Variants in SATB2 observed in about 807,000 individuals in gnomAD.
The protein encoded by SATB2 is DNA-binding protein SATB2.
A neutral mutation model predicts 73.4 loss-of-function variants in SATB2; 1 was observed. That is an observed-to-expected ratio of 0.01 (90% CI 0.00 to 0.06). The LOEUF is 0.06. Ranked by LOEUF, SATB2 falls within the 10% of genes least tolerant of loss-of-function variation. SATB2 has a pLI of 1.00. For missense variants in SATB2, 459 were observed against 945.8 expected (o/e 0.49, Z 6.75); for synonymous variants, 397 against 367.0 (o/e 1.08, Z -0.93).
chr2:199,320,358 A>T (rs773457546), intron 9 of SATB2, among the ~76,000 whole-genome samples: 2 of 152,186 alleles, frequency 1.3e-5, no homozygotes, highest in Non-Finnish European at 2.9e-5. Context: ...ATTATTTTAA[A>T]ACACTAAACT....
At chr2:199,329,213 C>T (rs772646710) in intron 7 of SATB2, 4 of 409,188 alleles carry the variant, frequency 9.8e-6, no homozygotes, top group African/African-American at 2.0e-5. Context: ...CAATTACCAC[C>T]AGGTGCCTCC....
chr2:199,459,008 T>C (rs1692394515), upstream of SATB2, among the ~76,000 whole-genome samples: 1 of 151,906 alleles, frequency 6.6e-6, no homozygotes, highest in African/African-American at 2.4e-5. The surrounding 1 kb of genome is among the most constrained non-coding windows in gnomAD (Gnocchi z 4.2). Flanking sequence ...GGGGGTTGCG[T>C]GGTGGATGCA....
chr2:199,350,955 C>G (rs929319757), intron 6 of SATB2, among the ~76,000 whole-genome samples: 1 of 145,978 alleles, frequency 6.9e-6, no homozygotes, highest in East Asian at 2.1e-4. Context: ...CCCCAGGAGG[C>G]AGAGGCAAAG....
At chr2:199,343,788 A>G (rs1377395625) in intron 7 of SATB2, among the ~76,000 whole-genome samples, 1 of 152,216 alleles carries the variant, frequency 6.6e-6, no homozygotes, top group South Asian at 2.1e-4. Context: ...CATGAACTCA[A>G]GCTCATGTTG....
At position 199,463,471 on chromosome 2, in the gene SATB2, C is replaced by T. The variant is rs2105967774; in HGVS notation, c.-141+1365G>A. On this transcript the variant is annotated intron_variant, in intron 1 of 11. Transcript: ENST00000260926. The surrounding 1 kb of genome is among the most constrained non-coding windows in gnomAD (Gnocchi z 6.4). ...TCAGGCCCAAGGTGGCTGCGAAGAG[C>T]CCCGAGGCCTCGGCTTGGCGTCAAT... Among the ~76,000 whole-genome samples, 1 of 152,296 alleles carries T rather than the reference C, an allele frequency of 6.6e-6. No homozygotes were observed. Among genetic ancestry groups the T allele is most frequent in the African/African-American group, 2.4e-5 (1 of 41,576 alleles).
chr2:199,275,842 A>G (rs1292475801), intron 10 of SATB2, among the ~76,000 whole-genome samples: 1 of 152,184 alleles, frequency 6.6e-6, no homozygotes, highest in African/African-American at 2.4e-5. Context: ...GGGCATCTCT[A>G]AAGTGAAACT....
At chr2:199,287,647 T>A (rs1412564907) in intron 10 of SATB2, among the ~76,000 whole-genome samples, 2 of 152,136 alleles carry the variant, frequency 1.3e-5, no homozygotes, top group African/African-American at 2.4e-5. Flanking sequence ...TATGTAAGCT[T>A]CACTGAAATA....
chr2:199,450,247 TAAAG>T (rs756080576), intron 2 of SATB2, among the ~76,000 whole-genome samples: 20 of 152,100 alleles, frequency 1.3e-4, no homozygotes, highest in African/African-American at 4.8e-4. Flanking sequence ...TTTATCAAAA[TAAAG>T]AGTGATGATG....
rs541888762 is a variant in SATB2 at position 199,328,383 on chromosome 2, A to G, written c.1386+315T>C. Among the ~76,000 whole-genome samples, 34 of 152,162 alleles carry G rather than the reference A, an allele frequency of 2.2e-4. 1 individual carries two copies. Among genetic ancestry groups the G allele is most frequent in the African/African-American group, 7.7e-4 (32 of 41,532 alleles). On this transcript the variant is annotated intron_variant, in intron 8 of 10. Coordinates refer to ENST00000417098, the MANE Select transcript of SATB2 (RefSeq NM_001172509.2). ...TGGTGAAACCCCATCCCTACAAAAAATACAAAAATTAGCAGGGCATGGTGG... is the reference window on the plus strand; with the variant it reads ...TGGTGAAACCCCATCCCTACAAAAAGTACAAAAATTAGCAGGGCATGGTGG...
intron 2 of SATB2, among the ~76,000 whole-genome samples, chr2:199,448,743 G>T (rs569439647): frequency 3.9e-5 from 6 of 152,082 alleles, no homozygotes; most frequent in Non-Finnish European, 8.8e-5. Context: ...CAGTTACCCT[G>T]GTTTGAAATG....
At chr2:199,311,710 C>T (rs1687600595) in intron 9 of SATB2, among the ~76,000 whole-genome samples, 1 of 152,206 alleles carries the variant, frequency 6.6e-6, no homozygotes, top group South Asian at 2.1e-4. Flanking sequence ...TCCCCTCACT[C>T]TGGCTCGCTT....
chr2:199,315,428 C>G (rs1687704039), intron 9 of SATB2, among the ~76,000 whole-genome samples: 1 of 151,950 alleles, frequency 6.6e-6, no homozygotes, highest in African/African-American at 2.4e-5. Flanking sequence ...AAGCTTGGAG[C>G]CTAACAGATA....
intron 3 of SATB2, among the ~76,000 whole-genome samples, chr2:199,404,360 A>G (rs1234920883): frequency 6.6e-6 from 1 of 152,200 alleles, no homozygotes; most frequent in Non-Finnish European, 1.5e-5. Context: ...CATAAGTGGC[A>G]CCTCTAATTG....
At chr2:199,434,443 T>C (rs939762409) in intron 2 of SATB2, among the ~76,000 whole-genome samples, 1 of 151,634 alleles carries the variant, frequency 6.6e-6, no homozygotes, top group Non-Finnish European at 1.5e-5. Flanking sequence ...TTTTTTAAAC[T>C]TTTTTTTTAT....
rs1249092587 is a variant in SATB2 at position 199,355,342 on chromosome 2, G to GTATATATATA, written c.701-6170_701-6169insTATATATATA. 9.2e-4 allele frequency among the ~76,000 whole-genome samples: 5 copies of GTATATATATA among 5,420 alleles called. No homozygotes were observed. The Admixed American group carries it at 0.013, about 14-fold the overall frequency. The allele number at this position is 5,420 out of a possible 152,430, so 3.6% of individuals were successfully genotyped here. A position where few individuals can be genotyped will look rare whatever the true frequency, so the allele number is the denominator to read the frequency against. ...CATATGTATGTGTGTGTGTGTGTGT[G>GTATATATATA]TGTATCTATATATATATATATATAT... On this transcript the variant is annotated intron_variant, in intron 6 of 10. Transcript: ENST00000417098.
At chr2:199,407,784 G>A (rs576837584) in intron 3 of SATB2, among the ~76,000 whole-genome samples, 1 of 152,164 alleles carries the variant, frequency 6.6e-6, no homozygotes, top group African/African-American at 2.4e-5. Flanking sequence ...CAGTAAATGA[G>A]TATAAACCTA....
chr2:199,290,061 C>T lies in SATB2; in HGVS notation c.1741-17389G>A, dbSNP rs940770145. 7.9e-5 allele frequency among the ~76,000 whole-genome samples: 12 copies of T among 152,176 alleles called. No homozygotes were observed. In the South Asian group the frequency reaches 1.0e-3, roughly 13 times the overall value. ...CCGTAACCTCACTGCAGCCTGAGCC[C>T]CTGCTGGTCCTTGCTCCCCAGCCCC... On this transcript the variant is annotated intron_variant, in intron 10 of 10. Transcript: ENST00000417098.
intron 3 of SATB2, among the ~76,000 whole-genome samples, chr2:199,386,541 T>C (rs1689938585): frequency 6.6e-6 from 1 of 152,118 alleles, no homozygotes; most frequent in Non-Finnish European, 1.5e-5. Flanking sequence ...GAGGATAATA[T>C]TGCAGCACTA....
intron 8 of SATB2, among the ~76,000 whole-genome samples, chr2:199,326,865 T>C (rs1688042846): frequency 6.6e-6 from 1 of 152,088 alleles, no homozygotes; most frequent in Non-Finnish European, 1.5e-5. Flanking sequence ...AACTCATAAT[T>C]CACTAAAGAC....
Sources: allele counts gnomAD v4.1 joint callset (sites outside exome capture counted in the v4.1 genomes callset), GRCh38; gene constraint gnomAD v4.1.1; non-coding constraint Gnocchi (gnomAD v3.1); transcripts MANE v1.5; gene names NCBI Gene and HGNC (gene_info 2026-07-23, HGNC 2026-07-21).